Variants in ETV6 observed in about 807,000 individuals in gnomAD.
The protein encoded by ETV6 is ETS variant transcription factor 6, also known as transcription factor ETV6.
Under a neutral mutation model 51.1 loss-of-function variants are expected in ETV6, and 16 were observed. That is an observed-to-expected ratio of 0.31 (90% confidence interval 0.21 to 0.48). The LOEUF is 0.48. ETV6 is among the 20% of genes least tolerant of loss of function. The pLI, the probability that ETV6 is intolerant of heterozygous loss-of-function variation, is 0.99. For missense variants in ETV6, 458 were observed against 594.8 expected (o/e 0.77, Z 2.39); for synonymous variants, 240 against 224.1 (o/e 1.07, Z -0.64).
chr12:11,670,178 A>T (rs1350756532), intron 1 of ETV6, among the ~76,000 whole-genome samples: 3 of 152,240 alleles, frequency 2.0e-5, no homozygotes, highest in Non-Finnish European at 4.4e-5. Flanking sequence ...CCACGTGGAC[A>T]TAATAGTATT....
intron 1 of ETV6, among the ~76,000 whole-genome samples, chr12:11,734,346 C>A (rs954139642): frequency 2.6e-5 from 4 of 151,972 alleles, no homozygotes; most frequent in Non-Finnish European, 5.9e-5. Context: ...GTGGTTCATG[C>A]CTGTAATCCC....
At chr12:11,822,064 A>G (rs971346672) in intron 2 of ETV6, among the ~76,000 whole-genome samples, 2 of 152,262 alleles carry the variant, frequency 1.3e-5, no homozygotes, top group African/African-American at 2.4e-5. Context: ...GCCGTGCACG[A>G]ATGCACTAAC....
intron 2 of ETV6, among the ~76,000 whole-genome samples, chr12:11,827,610 G>A (rs1418631740): frequency 2.6e-5 from 4 of 151,968 alleles, no homozygotes; most frequent in African/African-American, 4.8e-5. Flanking sequence ...TATCAGGACT[G>A]TCTCCATCCT....
At chr12:11,801,312 A>G (rs557075207) in intron 2 of ETV6, among the ~76,000 whole-genome samples, 3 of 152,258 alleles carry the variant, frequency 2.0e-5, no homozygotes, top group Non-Finnish European at 2.9e-5. Flanking sequence ...CTCTCTGGCT[A>G]TGACTTAGGG....
At chr12:11,884,694 CTTAT>C (rs2136597139) in intron 6 of ETV6, 107 bp downstream of exon 6, 4 of 1,389,658 alleles carry the variant, frequency 2.9e-6, no homozygotes, top group Non-Finnish European at 4.0e-6. Flanking sequence ...TCTGCCCATA[CTTAT>C]TTAGTTTATT....
intron 7 of ETV6, among the ~76,000 whole-genome samples, chr12:11,888,073 A>G (rs1332559852): frequency 6.6e-6 from 1 of 152,196 alleles, no homozygotes; most frequent in Non-Finnish European, 1.5e-5. Context: ...CTGGCAGTGG[A>G]AGCTGATGTC....
intron 3 of ETV6, among the ~76,000 whole-genome samples, chr12:11,850,805 C>T (rs1339545757): frequency 6.6e-6 from 1 of 152,218 alleles, no homozygotes; most frequent in Non-Finnish European, 1.5e-5. Flanking sequence ...GCTGTCTTTC[C>T]TCAGTTTCTC....
intron 2 of ETV6, among the ~76,000 whole-genome samples, chr12:11,767,732 T>C (rs1337903583): frequency 6.6e-6 from 1 of 152,236 alleles, no homozygotes; most frequent in Non-Finnish European, 1.5e-5. Context: ...TAGCAGCTGT[T>C]TATAGGATTT....
intron 3 of ETV6, among the ~76,000 whole-genome samples, chr12:11,839,606 G>A (rs754701552): frequency 6.6e-6 from 1 of 152,222 alleles, no homozygotes; most frequent in Non-Finnish European, 1.5e-5. Flanking sequence ...AAGGCTGGCC[G>A]TGGTGGCTCA....
intron 2 of ETV6, among the ~76,000 whole-genome samples, chr12:11,784,862 A>ATTTTTTTTTTTTTTTTTTTTTT (rs34004409): frequency 1.2e-5 from 1 of 85,756 alleles, no homozygotes; most frequent in African/African-American, 4.8e-5. Flanking sequence ...TGCCTTGCTA[A>ATTTTTTTTTTTTTTTTTTTTTT]TTTTTTTTTT....
At chr12:11,724,384 C>T (rs545189203) in intron 1 of ETV6, among the ~76,000 whole-genome samples, 2 of 152,184 alleles carry the variant, frequency 1.3e-5, no homozygotes, top group African/African-American at 4.8e-5. Flanking sequence ...GTGGAGTGGG[C>T]CTGTGCCCAT....
At chr12:11,705,513 C>G (rs190570044) in intron 1 of ETV6, among the ~76,000 whole-genome samples, 11 of 152,314 alleles carry the variant, frequency 7.2e-5, no homozygotes, top group Admixed American at 5.2e-4. Context: ...CTGTTCGACT[C>G]TTCTCGGCCT....
intron 2 of ETV6, among the ~76,000 whole-genome samples, chr12:11,791,994 C>T (rs1255946224): frequency 6.6e-6 from 1 of 152,184 alleles, no homozygotes; most frequent in Middle Eastern, 3.2e-3. Flanking sequence ...TCGTACACAT[C>T]ACTGATGGTC....
intron 3 of ETV6, among the ~76,000 whole-genome samples, chr12:11,852,352 T>A (rs1309824027): frequency 6.6e-6 from 1 of 152,212 alleles, no homozygotes; most frequent in Non-Finnish European, 1.5e-5. Flanking sequence ...TTGTGGAACC[T>A]TGGAGCAATG....
intron 3 of ETV6, among the ~76,000 whole-genome samples, chr12:11,841,327 G>A (rs1170335867): frequency 9.6e-6 from 1 of 103,678 alleles, no homozygotes; most frequent in African/African-American, 7.7e-5. Flanking sequence ...GCAGGATTGC[G>A]TTGATCTAAA....
At chr12:11,688,654 C>G (rs990576990) in intron 1 of ETV6, among the ~76,000 whole-genome samples, 1 of 152,196 alleles carries the variant, frequency 6.6e-6, no homozygotes, top group Non-Finnish European at 1.5e-5. Context: ...TTATGCTTCT[C>G]TGGATTTGGT....
chr12:11,758,416 G>A (rs1365599273), intron 2 of ETV6, among the ~76,000 whole-genome samples: 2 of 152,176 alleles, frequency 1.3e-5, no homozygotes, highest in Non-Finnish European at 2.9e-5. Context: ...CAGACATGTC[G>A]TTGTCTGTGT....
At chr12:11,763,087 G>C (rs1247605522) in intron 2 of ETV6, among the ~76,000 whole-genome samples, 1 of 152,144 alleles carries the variant, frequency 6.6e-6, no homozygotes, top group Non-Finnish European at 1.5e-5. Flanking sequence ...TGTTAGGCAT[G>C]GTTTCCCACT....
At chr12:11,840,262 A>C (rs959538074) in intron 3 of ETV6, among the ~76,000 whole-genome samples, 1 of 152,220 alleles carries the variant, frequency 6.6e-6, no homozygotes, top group Admixed American at 6.5e-5. Context: ...AAGCATCTCT[A>C]CCTGCAGAGT....
Sources: allele counts gnomAD v4.1 joint callset (sites outside exome capture counted in the v4.1 genomes callset), GRCh38; gene constraint gnomAD v4.1.1; transcripts MANE v1.5; gene names NCBI Gene and HGNC (gene_info 2026-07-23, HGNC 2026-07-21).